MCM2: variants seen among roughly 807,000 people sequenced by gnomAD.
MCM2 encodes DNA replication licensing factor MCM2.
A neutral mutation model predicts 86.4 loss-of-function variants in MCM2; 49 were observed. That is an observed-to-expected ratio of 0.57 (90% CI 0.45 to 0.72). The LOEUF is 0.72. Ranked by LOEUF, MCM2 falls within the 30% of genes least tolerant of loss-of-function variation. MCM2 has a pLI of 0.00. For synonymous variants in MCM2, 475 were observed against 484.6 expected (o/e 0.98, Z 0.26); for missense variants, 1,038 against 1,259.9 (o/e 0.82, Z 2.67).
At chr3:127,610,822 C>T (rs1467136368) in intron 8 of MCM2, 1 of 456,686 alleles carries the variant, frequency 2.2e-6, no homozygotes, top group Non-Finnish European at 4.4e-6. Context: ...GGTATTGGTG[C>T]CATTCCTTCC....
At chr3:127,615,743 G>A in intron 8 of MCM2, 119 bp from the exon 9 acceptor site, 1 of 722,848 alleles carries the variant, frequency 1.4e-6, no homozygotes, top group South Asian at 1.6e-5. Flanking sequence ...AGTTGCAGCA[G>A]CTGTGGAAGT....
chr3:127,599,559 C>T lies in MCM2; in HGVS notation c.236+12C>T. The stretch of plus-strand genomic sequence containing the variant: ...GATGGCATGGAAAGGTAATTTCATT[C>T]AAGGCCCTGGACTCAGCAGATAGTT... On this transcript the variant is annotated intron_variant, in intron 2 of 15. Transcript: ENST00000265056. 6.2e-7 allele frequency: 1 copy of T among 1,608,212 alleles called. No homozygotes were observed. The highest frequency in any genetic ancestry group is 1.3e-5 in the African/African-American group (1 of 74,866).
In MCM2 at chr3:127,619,268, A is replaced by T; in HGVS notation, c.2255A>T (p.Lys752Ile). ...KVAKMYSDLR[K>I]ESMATGSIPI... is the part of the protein sequence containing the mutation. ...GCCAAGATGTACAGTGACCTGAGGA[A>T]AGAATCTATGGTGAGAGCCCAGGCA... The change falls in exon 13 of 16, where the codon AAA becomes ATA. Residue 752 changes from lysine (K) to isoleucine (I), a missense_variant. By Grantham distance (102) the Lys-to-Ile change is moderately radical. Transcript: ENST00000265056. 6.2e-7 allele frequency: 1 copy of T among 1,613,492 alleles called. No individual in the cohort carries two copies. Among genetic ancestry groups the T allele is most frequent in the South Asian group, 1.1e-5 (1 of 91,076 alleles).
intron 2 of MCM2, 111 bp from the exon 3 acceptor site, chr3:127,604,497 C>A: frequency 1.8e-6 from 2 of 1,114,912 alleles, no homozygotes; most frequent in Non-Finnish European, 2.6e-6. Context: ...GCTGAGCCTA[C>A]CCACAATGGG....
In MCM2 at chr3:127,621,107, A is replaced by T; in HGVS notation, c.2483A>T (p.Asn828Ile). Residue 828 changes from asparagine (N) to isoleucine (I), a missense_variant, in exon 15 of 16, where the codon AAC becomes ATC. Asn to Ile is a moderately radical substitution (Grantham distance 149). Transcript: ENST00000265056. Reference protein sequence around the residue: ...FARYLSFRRDNNELLLFILKQ... With the variant: ...FARYLSFRRDINELLLFILKQ... ...CGCTACCTTTCATTCCGGCGTGACA[A>T]CAATGAGCTGTTGCTCTTCATACTG... 1 of 1,614,246 alleles carries T rather than the reference A, an allele frequency of 6.2e-7. No homozygotes were observed. Among genetic ancestry groups the T allele is most frequent in the Non-Finnish European group, 8.5e-7 (1 of 1,180,046 alleles).
In MCM2 at chr3:127,605,058, G is replaced by C. The variant is rs776760062; in HGVS notation, c.575G>C (p.Arg192Pro). ...VREWVSMAGP[R>P]LEIHHRFKNF... ...GAGTGGGTGAGCATGGCGGGCCCCC[G>C]GCTGGAGATCCACCACCGCTTCAAG... is the stretch of plus-strand genomic sequence containing the variant. The change falls in exon 4 of 16, where the codon CGG (arginine) becomes CCG (proline). Residue 192 changes from arginine to proline, a missense_variant. Physicochemically the swap from Arg to Pro is moderately radical, Grantham distance 103. Coordinates refer to ENST00000265056, the MANE Select transcript of MCM2 (RefSeq NM_004526.4). 6.2e-7 allele frequency: 1 copy of C among 1,613,860 alleles called. No homozygotes were observed. Among genetic ancestry groups the C allele is most frequent in the Non-Finnish European group, 8.5e-7 (1 of 1,179,942 alleles).
rs1404695602 is a variant in MCM2 at position 127,606,700 on chromosome 3, C to T, written c.984C>T (p.Asn328=). 1 of 1,614,254 alleles carries T rather than the reference C, an allele frequency of 6.2e-7. No individual in the cohort carries two copies. Among genetic ancestry groups the T allele is most frequent in the Admixed American group, 1.7e-5 (1 of 60,032 alleles). The change falls in exon 6 of 16, where the codon AAC becomes AAT. Residue 328 remains asparagine, a synonymous_variant. Transcript: ENST00000265056. The surrounding 1 kb of genome is among the most constrained non-coding windows in gnomAD (Gnocchi z 4.2). ...VLPQLSMVKY[N]CNKCNFVLGP... ...CCCAGCTCAGCATGGTCAAGTACAA[C>T]TGCAACAAGTGCAATTTCGTCCTGG...
chr3:127,599,556 A>C lies in MCM2; in HGVS notation c.236+9A>C. The C allele has an allele frequency of 1.2e-6, 2 of 1,609,254 alleles. No individual in the cohort carries two copies. The highest frequency in any genetic ancestry group is 1.7e-6 in the Non-Finnish European group (2 of 1,176,886). Reference sequence around the variant, plus strand: ...GGAGATGGCATGGAAAGGTAATTTCATTCAAGGCCCTGGACTCAGCAGATA... The same window carrying C: ...GGAGATGGCATGGAAAGGTAATTTCCTTCAAGGCCCTGGACTCAGCAGATA... On this transcript the variant is annotated intron_variant, in intron 2 of 15. Transcript: ENST00000265056.
intron 13 of MCM2, among the ~76,000 whole-genome samples, chr3:127,620,423 A>G (rs1172736566): frequency 2.6e-5 from 4 of 152,248 alleles, no homozygotes; most frequent in Admixed American, 2.6e-4. Context: ...CAAATACAAC[A>G]GCCTCTGAGA....
intron 8 of MCM2, among the ~76,000 whole-genome samples, chr3:127,611,694 T>G (rs9869805): frequency 2.7e-5 from 3 of 111,022 alleles, no homozygotes; most frequent in African/African-American, 1.2e-4. Flanking sequence ...TTTTTTTTTT[T>G]TTTTTTTTTT....
Position 127,606,253 on chromosome 3 carries a change from T to C in MCM2, c.809T>C (p.Met270Thr). Residue 270 changes from methionine (M) to threonine (T), a missense_variant, in exon 5 of 16, where the codon ATG (methionine) becomes ACG (threonine). Transcript: ENST00000265056. The surrounding 1 kb of genome is among the most constrained non-coding windows in gnomAD (Gnocchi z 4.2). ...DEAALEVVLA[M>T]YPKYDRITNH... is the part of the protein sequence containing the mutation. ...GCTGCCCTGGAGGTGGTACTGGCCA[T>C]GTACCCCAAGTACGACCGCATCACC... The C allele has an allele frequency of 6.2e-7, 1 of 1,614,210 alleles. No homozygotes were observed. The highest frequency in any genetic ancestry group is 2.2e-5 in the East Asian group (1 of 44,884).
intron 13 of MCM2, among the ~76,000 whole-genome samples, chr3:127,619,836 AG>A (rs2074462950): frequency 1.3e-5 from 2 of 152,134 alleles, no homozygotes; most frequent in South Asian, 4.1e-4. Context: ...TTTGAAACTT[AG>A]CTGGGCCTGG....
intron 13 of MCM2, among the ~76,000 whole-genome samples, chr3:127,620,123 T>C (rs1370723392): frequency 2.6e-5 from 4 of 152,264 alleles, no homozygotes; most frequent in African/African-American, 9.6e-5. Context: ...AAGTTCCATA[T>C]TGACTTTGTG....
rs1381609527 is a variant in MCM2, at chr3:127,617,665, C to G, written c.1900+260C>G. 1 of 598,846 alleles carries G rather than the reference C, an allele frequency of 1.7e-6. No individual in the cohort carries two copies. Among genetic ancestry groups the G allele is most frequent in the African/African-American group, 1.9e-5 (1 of 53,828 alleles). 37.1% of individuals were successfully genotyped at this position (598,846 alleles called of 1,614,324 possible). On this transcript the variant is annotated intron_variant, in intron 11 of 15. Coordinates refer to ENST00000265056, the MANE Select transcript of MCM2 (RefSeq NM_004526.4). This position sits in a 1 kb window ranked among gnomAD's most constrained non-coding sequence, Gnocchi z 4.1. ...CATGGGAGGAGAGCCCAGTGCCCCT[C>G]TGGCCAGGATGGAGTTGGCTGTTGG...
Position 127,615,733 on chromosome 3 carries a change from A to C in MCM2, c.1429-129A>C, listed in dbSNP as rs145876648. On this transcript the variant is annotated intron_variant, in intron 8 of 15. Transcript: ENST00000265056. The stretch of plus-strand genomic sequence containing the variant: ...ACGGCTTGATACCAGGGCCTGATGC[A>C]GTTGCAGCAGCTGTGGAAGTGGGTG... 4.7e-4 allele frequency: 324 copies of C among 691,008 alleles called. 1 individual carries two copies. In the African/African-American group the frequency reaches 4.9e-3, roughly 10 times the overall value. The allele number at this position is 691,008 out of a possible 1,614,324, so 42.8% of individuals were successfully genotyped here. A position where few individuals can be genotyped will look rare whatever the true frequency, so the allele number is the denominator to read the frequency against.
At chr3:127,601,923 T>G (rs998665755) in intron 2 of MCM2, among the ~76,000 whole-genome samples, 2 of 152,216 alleles carry the variant, frequency 1.3e-5, no homozygotes, top group South Asian at 4.1e-4. Flanking sequence ...GAACATCTTT[T>G]CGTATGCTTG....
chr3:127,606,263 G>C lies in MCM2; in HGVS notation c.819G>C (p.Lys273Asn). ...AGGTGGTACTGGCCATGTACCCCAA[G>C]TACGACCGCATCACCAACCACATCC... ...ALEVVLAMYP[K>N]YDRITNHIHV... The change falls in exon 5 of 16, where the codon AAG becomes AAC. Residue 273 changes from lysine (K) to asparagine (N), a missense_variant. Transcript: ENST00000265056. The surrounding 1 kb of genome is among the most constrained non-coding windows in gnomAD (Gnocchi z 4.2). The C allele has an allele frequency of 6.2e-7, 1 of 1,614,238 alleles. No individual in the cohort carries two copies. The highest frequency in any genetic ancestry group is 8.5e-7 in the Non-Finnish European group (1 of 1,180,044).
rs1017260224 is a variant in MCM2 at position 127,606,391 on chromosome 3, G to T, written c.893+54G>T. 1 of 1,558,146 alleles carries T rather than the reference G, an allele frequency of 6.4e-7. No individual in the cohort carries two copies. The highest frequency in any genetic ancestry group is 1.4e-5 in the African/African-American group (1 of 73,672). On this transcript the variant is annotated intron_variant, in intron 5 of 15. Transcript: ENST00000265056. The surrounding 1 kb of genome is among the most constrained non-coding windows in gnomAD (Gnocchi z 4.2). The stretch of plus-strand genomic sequence containing the variant: ...GTCCGAGCTCAGTGCTGGGTGACTC[G>T]GTCGTGATTCCTGAAGAGCGATTGT...
chr3:127,611,058 C>T (rs2074390826), intron 8 of MCM2: 3 of 431,770 alleles, frequency 6.9e-6, no homozygotes, highest in Non-Finnish European at 1.4e-5. Context: ...AGGAAATAGA[C>T]AAGATCTTTT....
Sources: allele counts gnomAD v4.1 joint callset (sites outside exome capture counted in the v4.1 genomes callset), GRCh38; gene constraint gnomAD v4.1.1; non-coding constraint Gnocchi (gnomAD v3.1); transcripts MANE v1.5; gene names NCBI Gene and HGNC (gene_info 2026-07-23, HGNC 2026-07-21).